Variants in SLC35F3 observed in about 807,000 individuals in gnomAD.
The protein encoded by SLC35F3 is putative thiamine transporter SLC35F3.
Under a neutral mutation model 49.9 loss-of-function variants are expected in SLC35F3, and 25 were observed. The observed-to-expected ratio is 0.50, with a 90% CI of 0.37 to 0.70. The LOEUF is 0.70. Among genes scored for constraint, SLC35F3 ranks in the 30% least tolerant of loss-of-function variants. SLC35F3 has a pLI of 0.00. For missense variants in SLC35F3, 525 were observed against 639.8 expected (o/e 0.82, Z 1.94); for synonymous variants, 275 against 265.4 (o/e 1.04, Z -0.35).
chr1:234,087,141 A>C (rs1000755169), intron 2 of SLC35F3, among the ~76,000 whole-genome samples: 2 of 151,972 alleles, frequency 1.3e-5, no homozygotes, highest in Non-Finnish European at 2.9e-5. Context: ...CAATACCCCC[A>C]CCACCACTGC....
At chr1:234,258,356 G>C (rs1201053510) in intron 3 of SLC35F3, among the ~76,000 whole-genome samples, 1 of 152,130 alleles carries the variant, frequency 6.6e-6, no homozygotes, top group Non-Finnish European at 1.5e-5. Flanking sequence ...GGAAAAGTCT[G>C]AAAAATACCT....
chr1:234,075,257 GAAAC>G (rs970235928), intron 2 of SLC35F3, among the ~76,000 whole-genome samples: 7 of 152,236 alleles, frequency 4.6e-5, no homozygotes, highest in African/African-American at 1.7e-4. Flanking sequence ...CTCAGCAAAG[GAAAC>G]AAACAAACTG....
intron 2 of SLC35F3, among the ~76,000 whole-genome samples, chr1:234,192,679 G>A (rs573339353): frequency 1.2e-4 from 19 of 152,192 alleles, no homozygotes; most frequent in Non-Finnish European, 2.5e-4. Context: ...TGATATAATC[G>A]TAAACCTAGA....
chr1:234,063,476 G>A (rs979221532), intron 2 of SLC35F3, among the ~76,000 whole-genome samples: 2 of 152,212 alleles, frequency 1.3e-5, no homozygotes, highest in Non-Finnish European at 2.9e-5. Flanking sequence ...CCCCTATCTT[G>A]TCTCCTGCTA....
chr1:233,959,400 C>T (rs1423837682), intron 2 of SLC35F3, among the ~76,000 whole-genome samples: 2 of 152,206 alleles, frequency 1.3e-5, no homozygotes, highest in Non-Finnish European at 2.9e-5. Flanking sequence ...ATGGAAATCT[C>T]TCCCCAATGG....
At chr1:234,094,128 A>G (rs868522772) in intron 2 of SLC35F3, among the ~76,000 whole-genome samples, 2 of 152,334 alleles carry the variant, frequency 1.3e-5, no homozygotes. Flanking sequence ...GGCAGAGTGA[A>G]TTAGCCTTCA....
intron 2 of SLC35F3, among the ~76,000 whole-genome samples, chr1:234,134,194 G>A (rs570048531): frequency 6.6e-6 from 1 of 151,496 alleles, no homozygotes; most frequent in Non-Finnish European, 1.5e-5. Flanking sequence ...TGAAGATGTA[G>A]CAGTGAACAA....
chr1:234,234,895 C>T (rs1667439139), intron 3 of SLC35F3, among the ~76,000 whole-genome samples: 1 of 152,206 alleles, frequency 6.6e-6, no homozygotes, highest in South Asian at 2.1e-4. Context: ...CTGTAACATG[C>T]TGTGTAAACG....
intron 2 of SLC35F3, among the ~76,000 whole-genome samples, chr1:233,963,049 T>C (rs1662831077): frequency 6.6e-6 from 1 of 152,258 alleles, no homozygotes; most frequent in Non-Finnish European, 1.5e-5. Flanking sequence ...AGAGCCCTGC[T>C]GGAGTACAGA....
At chr1:234,085,131 A>G (rs1423908822) in intron 2 of SLC35F3, among the ~76,000 whole-genome samples, 1 of 152,248 alleles carries the variant, frequency 6.6e-6, no homozygotes, top group Non-Finnish European at 1.5e-5. Context: ...GGGAGAGTCT[A>G]GAACACCAGT....
intron 2 of SLC35F3, among the ~76,000 whole-genome samples, chr1:234,229,185 C>T (rs1442927313): frequency 6.6e-6 from 1 of 152,230 alleles, no homozygotes; most frequent in Non-Finnish European, 1.5e-5. Flanking sequence ...AGGAACCTGT[C>T]TGTTCTACTT....
chr1:234,191,569 CCAG>C (rs1342079068), intron 2 of SLC35F3, among the ~76,000 whole-genome samples: 1 of 151,592 alleles, frequency 6.6e-6, no homozygotes, highest in East Asian at 1.9e-4. Flanking sequence ...ACCTCCAAGC[CCAG>C]CAGAAGAAGA....
At chr1:234,185,377 G>A (rs1310522679) in intron 2 of SLC35F3, among the ~76,000 whole-genome samples, 1 of 152,342 alleles carries the variant, frequency 6.6e-6, no homozygotes, top group Non-Finnish European at 1.5e-5. Context: ...TCTTCACTAC[G>A]AGGAGTAGAA....
intron 2 of SLC35F3, among the ~76,000 whole-genome samples, chr1:234,096,885 C>CTTTTTTTT: frequency 7.6e-6 from 1 of 132,106 alleles, no homozygotes; most frequent in Non-Finnish European, 1.6e-5. Flanking sequence ...TTGTTAAATT[C>CTTTTTTTT]TTTTTTTTTT....
chr1:234,113,942 T>C (rs1457050303), intron 2 of SLC35F3, among the ~76,000 whole-genome samples: 1 of 152,218 alleles, frequency 6.6e-6, no homozygotes, highest in Non-Finnish European at 1.5e-5. Context: ...GATACAAGTG[T>C]TCTCTTGCCT....
At chr1:234,126,867 T>C (rs1665656308) in intron 2 of SLC35F3, among the ~76,000 whole-genome samples, 1 of 152,138 alleles carries the variant, frequency 6.6e-6, no homozygotes, top group Non-Finnish European at 1.5e-5. Flanking sequence ...GGCTAATTTT[T>C]TAATTTTTGT....
At chr1:234,295,145 T>C (rs1668571714) in intron 3 of SLC35F3, among the ~76,000 whole-genome samples, 1 of 152,260 alleles carries the variant, frequency 6.6e-6, no homozygotes, top group Admixed American at 6.5e-5. Flanking sequence ...TGCAGCCTGC[T>C]TTAGTGACAG....
At chr1:233,934,706 A>AT (rs1283462285) in intron 2 of SLC35F3, among the ~76,000 whole-genome samples, 6 of 151,768 alleles carry the variant, frequency 4.0e-5, no homozygotes, top group East Asian at 1.9e-4. Context: ...CATGTAAGTG[A>AT]TTTTTTCAGA....
At chr1:234,156,309 A>G (rs1390558332) in intron 2 of SLC35F3, among the ~76,000 whole-genome samples, 2 of 152,240 alleles carry the variant, frequency 1.3e-5, no homozygotes, top group Non-Finnish European at 2.9e-5. Context: ...ACAAATTGGT[A>G]CGACCTCTCT....
Sources: allele counts gnomAD v4.1 joint callset (sites outside exome capture counted in the v4.1 genomes callset), GRCh38; gene constraint gnomAD v4.1.1; transcripts MANE v1.5; gene names NCBI Gene and HGNC (gene_info 2026-07-23, HGNC 2026-07-21).